The following CIITA variants were observed in gnomAD, a reference collection of about 807,000 sequenced individuals.
CIITA encodes MHC class II transactivator.
Under a neutral mutation model 115.1 loss-of-function variants are expected in CIITA, and 72 were observed. The observed-to-expected ratio is 0.63, with a 90% CI of 0.52 to 0.76. The LOEUF (loss-of-function observed/expected upper bound fraction) is 0.76, where lower values mean the gene tolerates loss of function less well. CIITA is among the 30% of genes least tolerant of loss of function. The pLI, the probability that CIITA is intolerant of heterozygous loss-of-function variation, is 0.00. For missense variants in CIITA, 1,617 were observed against 1,463.8 expected (o/e 1.10, Z -1.71); for synonymous variants, 763 against 635.6 (o/e 1.20, Z -3.02).
chr16:10,900,622 C>A (rs748040026), intron 5 of CIITA, among the ~76,000 whole-genome samples: 1 of 152,062 alleles, frequency 6.6e-6, no homozygotes, highest in African/African-American at 2.4e-5. Flanking sequence ...CACCTGTAAT[C>A]CCAGCTACCA....
At chr16:10,883,457 C>T (rs1031173733) in intron 1 of CIITA, among the ~76,000 whole-genome samples, 4 of 152,312 alleles carry the variant, frequency 2.6e-5, no homozygotes, top group East Asian at 3.9e-4. Context: ...GCCCCTCACC[C>T]ACAATAACTT....
At chr16:10,908,977 A>G (rs767381561) in intron 11 of CIITA, 52 bp from the exon 12 acceptor site, 3 of 1,613,274 alleles carry the variant, frequency 1.9e-6, no homozygotes, top group Admixed American at 1.7e-5. Flanking sequence ...CTGCCCTTCC[A>G]TTAAGGTCTA....
upstream of CIITA, among the ~76,000 whole-genome samples, chr16:10,873,462 A>C (rs2143311214): frequency 6.6e-6 from 1 of 152,354 alleles, no homozygotes; most frequent in East Asian, 1.9e-4. Flanking sequence ...CAAGAAAATT[A>C]TAGTTAGCTG....
At position 10,903,712 on chromosome 16, in the gene CIITA, C is replaced by T. The variant is rs1382293034; in HGVS notation, c.773-19C>T. 3.7e-6 allele frequency: 6 copies of T among 1,613,968 alleles called. No homozygotes were observed. The South Asian group carries it at 4.4e-5, about 12-fold the overall frequency. ...TCAATACCTGGTTATTCTCACACCA[C>T]TCTCCACCCCCAATGTAGGTGAGGT... On this transcript the variant is annotated intron_variant, in intron 8 of 19. Coordinates refer to ENST00000324288, the MANE Select transcript of CIITA (RefSeq NM_000246.4).
intron 5 of CIITA, among the ~76,000 whole-genome samples, chr16:10,900,658 T>C (rs1307865890): frequency 2.0e-5 from 3 of 151,794 alleles, no homozygotes; most frequent in Non-Finnish European, 4.4e-5. Flanking sequence ...GAGAATCGCT[T>C]GAACCTAAGA....
rs868460017 is a variant in CIITA at position 10,879,367 on chromosome 16, A to G, written c.52+1985A>G. Among the ~76,000 whole-genome samples the G allele has an allele frequency of 3.0e-4, 45 of 151,886 alleles. No homozygotes were observed. The highest frequency in any genetic ancestry group is 1.0e-3 in the African/African-American group (43 of 41,420). On this transcript the variant is annotated intron_variant, in intron 1 of 19. Transcript: ENST00000324288. The surrounding 1 kb of genome is among the most constrained non-coding windows in gnomAD (Gnocchi z 4.3). ...GCGGAGCAGACACACTCCCCCGGCC[A>G]CCCTTGGCCGACTCCGCGCGCCCGG... is the stretch of plus-strand genomic sequence containing the variant.
chr16:10,921,238 C>T (rs768206713), intron 16 of CIITA, among the ~76,000 whole-genome samples: 2 of 152,214 alleles, frequency 1.3e-5, no homozygotes, highest in Non-Finnish European at 1.5e-5. Flanking sequence ...AAATCATACC[C>T]GCAGCAGCAC....
upstream of CIITA, among the ~76,000 whole-genome samples, chr16:10,873,795 T>C (rs2035640947): frequency 1.3e-5 from 2 of 152,106 alleles, no homozygotes; most frequent in Non-Finnish European, 2.9e-5. Flanking sequence ...GCATGCTAGT[T>C]TCTGACTCGA....
In CIITA at chr16:10,916,385, G is replaced by C. The variant is rs745951168; in HGVS notation, c.2988G>C (p.Glu996Asp). ...CCTGCAGCCTGGATGCGCTGAGTGA[G>C]AACAAGATCGGGGACGAGGGTGTCT... ...LQHLDLDALS[E>D]NKIGDEGVSQ... The change falls in exon 15 of 20, where the codon GAG (glutamate) becomes GAC (aspartate). Residue 996 changes from glutamate to aspartate, a missense_variant. Coordinates refer to ENST00000324288, the MANE Select transcript of CIITA (RefSeq NM_000246.4). 6.2e-7 allele frequency: 1 copy of C among 1,613,808 alleles called. No individual in the cohort carries two copies. The highest frequency in any genetic ancestry group is 1.1e-5 in the South Asian group (1 of 91,010).
In CIITA at chr16:10,889,957, A is replaced by C. The variant is rs561425773; in HGVS notation, c.53-5325A>C. ...GGCGTGTGAACCTCCTCTAAGCTCA[A>C]ATGGGCATAACACTCTACCCTGCCT... On this transcript the variant is annotated intron_variant, in intron 1 of 19. Transcript: ENST00000324288. Among the ~76,000 whole-genome samples, 13 of 152,298 alleles carry C rather than the reference A, an allele frequency of 8.5e-5. No homozygotes were observed. The East Asian group carries it at 1.7e-3, about 20-fold the overall frequency.
At chr16:10,881,780 A>C (rs900105842) in intron 1 of CIITA, among the ~76,000 whole-genome samples, 6 of 152,184 alleles carry the variant, frequency 3.9e-5, no homozygotes, top group African/African-American at 1.4e-4. Context: ...CATCTCCAGA[A>C]CTTTTTCATC....
chr16:10,871,268 C>A (rs539503885), intron 1 of CIITA, among the ~76,000 whole-genome samples: 10 of 152,288 alleles, frequency 6.6e-5, no homozygotes, highest in African/African-American at 2.4e-4. Flanking sequence ...TTGAGGCTGG[C>A]GTCTGAGGCA....
rs1255089782 is a variant in CIITA at position 10,879,882 on chromosome 16, C to A, written c.52+2500C>A. On this transcript the variant is annotated intron_variant, in intron 1 of 19. Transcript: ENST00000324288. The surrounding 1 kb of genome is among the most constrained non-coding windows in gnomAD (Gnocchi z 4.3). The stretch of plus-strand genomic sequence containing the variant: ...CGCGGTCCTCCTGAGTCCCACAGCC[C>A]CTCTCCACCCTAGGTGGCACAGGAG... 1.3e-5 allele frequency among the ~76,000 whole-genome samples: 2 copies of A among 152,168 alleles called. No homozygotes were observed. The highest frequency in any genetic ancestry group is 2.4e-5 in the African/African-American group (1 of 41,436).
intron 2 of CIITA, 51 bp from the exon 3 acceptor site, chr16:10,895,618 A>G (rs773511573): frequency 6.2e-7 from 1 of 1,608,824 alleles, no homozygotes; most frequent in Non-Finnish European, 8.5e-7. Flanking sequence ...GTTCCCCACC[A>G]GCCCTCTTTC....
intron 13 of CIITA, chr16:10,914,974 G>T (rs2039848727): frequency 2.3e-6 from 1 of 443,174 alleles, no homozygotes; most frequent in South Asian, 1.6e-5. Context: ...GGAAGAGTAA[G>T]AACTGGCTCC....
At chr16:10,904,036 G>T in intron 9 of CIITA, 141 bp downstream of exon 9, 5 of 1,109,010 alleles carry the variant, frequency 4.5e-6, no homozygotes, top group Non-Finnish European at 6.7e-6. Flanking sequence ...GACAGGGAGG[G>T]TCTCCAGGGA....
chr16:10,915,229 T>C (rs2039870533), intron 13 of CIITA, among the ~76,000 whole-genome samples: 1 of 151,966 alleles, frequency 6.6e-6, no homozygotes, highest in East Asian at 1.9e-4. Flanking sequence ...ATTGTGTTTT[T>C]TGTAGAGACT....
At chr16:10,870,589 TG>T (rs1431117023) in intron 1 of CIITA, among the ~76,000 whole-genome samples, 1 of 152,172 alleles carries the variant, frequency 6.6e-6, no homozygotes, top group Non-Finnish European at 1.5e-5. Context: ...TGGGTGATGA[TG>T]GAAAAAGAAC....
intron 1 of CIITA, among the ~76,000 whole-genome samples, chr16:10,889,066 A>G (rs1163695306): frequency 6.6e-6 from 1 of 152,190 alleles, no homozygotes; most frequent in African/African-American, 2.4e-5. Flanking sequence ...GCCACGGATG[A>G]AGAGAGGCTG....
Sources: allele counts gnomAD v4.1 joint callset (sites outside exome capture counted in the v4.1 genomes callset), GRCh38; gene constraint gnomAD v4.1.1; non-coding constraint Gnocchi (gnomAD v3.1); transcripts MANE v1.5; gene names NCBI Gene and HGNC (gene_info 2026-07-23, HGNC 2026-07-21).